Variants in ATP8B4 observed in about 807,000 individuals in gnomAD.
ATP8B4 encodes probable phospholipid-transporting ATPase IM.
ATP8B4 carries 133 observed loss-of-function variants against 145.6 expected under a neutral mutation model. The observed-to-expected ratio is 0.91, with a 90% CI of 0.79 to 1.05. The LOEUF (loss-of-function observed/expected upper bound fraction) is 1.05, where lower values mean the gene tolerates loss of function less well. Ranked by LOEUF, ATP8B4 falls within the 50% of genes least tolerant of loss-of-function variation. The pLI is 0.00. For synonymous variants in ATP8B4, 507 were observed against 492.9 expected, an observed-to-expected ratio of 1.03 and a Z score of -0.38; for missense variants, 1,458 against 1,425.2, an observed-to-expected ratio of 1.02 and a Z score of -0.37.
At chr15:50,153,566 T>C (rs2044374447) in intron 1 of ATP8B4, among the ~76,000 whole-genome samples, 1 of 152,168 alleles carries the variant, frequency 6.6e-6, no homozygotes, top group African/African-American at 2.4e-5. Context: ...CTCGATCTCC[T>C]GACCTCGTGA....
At chr15:50,074,268 G>T in intron 2 of ATP8B4, 83 bp from the exon 3 acceptor site, 2 of 1,220,912 alleles carry the variant, frequency 1.6e-6, no homozygotes, top group Non-Finnish European at 2.3e-6. Context: ...GACTTAGGTT[G>T]CTTTGTTGTT....
chr15:49,923,898 C>T (rs2040479330), intron 16 of ATP8B4, among the ~76,000 whole-genome samples: 1 of 152,150 alleles, frequency 6.6e-6, no homozygotes, highest in African/African-American at 2.4e-5. Flanking sequence ...AGTATCAGTG[C>T]TATGCTAAAT....
At chr15:49,996,830 G>A in intron 8 of ATP8B4, 71 bp from the exon 9 acceptor site, 1 of 1,272,942 alleles carries the variant, frequency 7.9e-7, no homozygotes, top group East Asian at 2.5e-5. Flanking sequence ...AAGCAATCAG[G>A]TGGGTGTAGC....
chr15:50,156,069 AATAAATAT>A (rs1567410396), intron 1 of ATP8B4, among the ~76,000 whole-genome samples: 1 of 16,938 alleles, frequency 5.9e-5, no homozygotes, highest in Non-Finnish European at 1.4e-4. Context: ...TAAATAAATA[AATAAATAT>A]ATATATATAT....
At chr15:49,961,461 C>T (rs941625921) in intron 14 of ATP8B4, among the ~76,000 whole-genome samples, 15 of 152,130 alleles carry the variant, frequency 9.9e-5, no homozygotes, top group Non-Finnish European at 2.2e-4. Flanking sequence ...ATTCTATATT[C>T]TCTAACATGT....
At chr15:50,168,606 G>A (rs541960431) in intron 1 of ATP8B4, among the ~76,000 whole-genome samples, 28 of 152,258 alleles carry the variant, frequency 1.8e-4, no homozygotes, top group African/African-American at 6.5e-4. Context: ...GAGGAGCAGG[G>A]GGTAAAAGTC....
chr15:49,965,239 G>T (rs1309405280), intron 13 of ATP8B4, among the ~76,000 whole-genome samples: 1 of 152,194 alleles, frequency 6.6e-6, no homozygotes, highest in African/African-American at 2.4e-5. Context: ...ACCAAAGGAG[G>T]TCAAAAAGTA....
chr15:49,903,909 A>G (rs1321676562), intron 20 of ATP8B4, among the ~76,000 whole-genome samples: 1 of 150,234 alleles, frequency 6.7e-6, no homozygotes, highest in African/African-American at 2.5e-5. Flanking sequence ...AAAAAAAAAA[A>G]TCGATCTGTT....
chr15:50,154,848 T>G (rs1176728350), intron 1 of ATP8B4, among the ~76,000 whole-genome samples: 5 of 152,118 alleles, frequency 3.3e-5, no homozygotes, highest in African/African-American at 1.2e-4. Flanking sequence ...CTAACTTTTG[T>G]ATGTTTTGGT....
intron 5 of ATP8B4, among the ~76,000 whole-genome samples, chr15:50,041,154 A>C (rs757378060): frequency 6.6e-5 from 10 of 152,224 alleles, no homozygotes; most frequent in Non-Finnish European, 1.3e-4. Flanking sequence ...TAAGGCCAAT[A>C]TGTAGGAACT....
At chr15:50,065,597 C>T (rs1431874035) in intron 3 of ATP8B4, among the ~76,000 whole-genome samples, 2 of 152,064 alleles carry the variant, frequency 1.3e-5, no homozygotes, top group African/African-American at 2.4e-5. Context: ...TTTATAGTTC[C>T]TTCTTCACAA....
intron 1 of ATP8B4, among the ~76,000 whole-genome samples, chr15:50,173,427 G>A (rs2044716739): frequency 6.6e-6 from 1 of 151,976 alleles, no homozygotes; most frequent in Non-Finnish European, 1.5e-5. Context: ...CATGTGCTGT[G>A]TCCACTAAGG....
chr15:50,039,278 C>T (rs897176982), intron 5 of ATP8B4, among the ~76,000 whole-genome samples: 18 of 152,190 alleles, frequency 1.2e-4, no homozygotes, highest in African/African-American at 4.1e-4. Flanking sequence ...GTAACAACAT[C>T]AATTTTTATT....
chr15:49,956,144 T>G (rs2043539517), intron 14 of ATP8B4, among the ~76,000 whole-genome samples: 1 of 152,162 alleles, frequency 6.6e-6, no homozygotes, highest in Admixed American at 6.5e-5. Context: ...AGTTTATGAC[T>G]CAAGTATTAT....
intron 4 of ATP8B4, among the ~76,000 whole-genome samples, chr15:50,046,127 G>T (rs2051699789): frequency 1.3e-5 from 2 of 150,648 alleles, no homozygotes; most frequent in African/African-American, 4.9e-5. Flanking sequence ...TATGATCTTG[G>T]TTAAGCCAAT....
intron 2 of ATP8B4, among the ~76,000 whole-genome samples, chr15:50,089,106 A>G (rs1263399948): frequency 1.3e-5 from 2 of 152,186 alleles, no homozygotes; most frequent in Non-Finnish European, 2.9e-5. Flanking sequence ...CCCCTTCCTT[A>G]TGCCTTATAT....
chr15:50,119,495 T>A (rs1457061017), upstream of ATP8B4: 1 of 152,260 alleles, frequency 6.6e-6, no homozygotes, highest in Non-Finnish European at 1.5e-5. Flanking sequence ...CCTAGTTGCC[T>A]GCTCCTGCTG....
At chr15:50,011,004 T>TA in intron 6 of ATP8B4, 87 bp from the exon 7 acceptor site, 10 of 901,232 alleles carry the variant, frequency 1.1e-5, no homozygotes, top group Non-Finnish European at 1.6e-5. Context: ...TAGCATCATA[T>TA]AACAGAGGAA....
intron 1 of ATP8B4, among the ~76,000 whole-genome samples, chr15:50,176,063 G>GTATATATATATATATACCACAGAGTA (rs2044757928): frequency 2.0e-5 from 3 of 147,196 alleles, no homozygotes; most frequent in African/African-American, 7.5e-5. Flanking sequence ...ATACCGCAGA[G>GTATATATATATATATACCACAGAGTA]TATATATATA....
Sources: allele counts gnomAD v4.1 joint callset (sites outside exome capture counted in the v4.1 genomes callset), GRCh38; gene constraint gnomAD v4.1.1; transcripts MANE v1.5; gene names NCBI Gene and HGNC (gene_info 2026-07-23, HGNC 2026-07-21).